Variants in CNTN3 observed in about 807,000 individuals in gnomAD.
CNTN3 encodes contactin-3.
Under a neutral mutation model 119.1 loss-of-function variants are expected in CNTN3, and 60 were observed. The observed-to-expected ratio is 0.50, with a 90% CI of 0.41 to 0.62. The LOEUF (loss-of-function observed/expected upper bound fraction) is 0.62, where lower values mean the gene tolerates loss of function less well. CNTN3 is among the 20% of genes least tolerant of loss of function. The pLI is 0.00. For synonymous variants in CNTN3, 450 were observed against 438.7 expected (o/e 1.03, Z -0.32); for missense variants, 1,101 against 1,242.4 (o/e 0.89, Z 1.71).
chr3:74,461,604 G>T (rs72900350), intron 4 of CNTN3, among the ~76,000 whole-genome samples: 1 of 151,976 alleles, frequency 6.6e-6, no homozygotes, highest in Admixed American at 6.6e-5. Flanking sequence ...TCATGCATTT[G>T]TTTCCCAAAC....
At chr3:74,432,462 G>A (rs987687044) in intron 4 of CNTN3, among the ~76,000 whole-genome samples, 10 of 151,468 alleles carry the variant, frequency 6.6e-5, no homozygotes, top group East Asian at 1.9e-4. Context: ...GGCTGCATTC[G>A]AAGCCACCAT....
chr3:74,266,004 T>A (rs1701654495), intron 22 of CNTN3, among the ~76,000 whole-genome samples: 1 of 152,112 alleles, frequency 6.6e-6, no homozygotes, highest in African/African-American at 2.4e-5. Context: ...ATGAACCTCC[T>A]TGGAAACTAG....
intron 1 of CNTN3, among the ~76,000 whole-genome samples, chr3:74,539,767 A>G (rs1183014083): frequency 6.6e-6 from 1 of 152,152 alleles, no homozygotes; most frequent in Non-Finnish European, 1.5e-5. Flanking sequence ...GTGGGTGGGT[A>G]AAGAACTAGG....
chr3:74,499,921 AGACAT>A, intron 2 of CNTN3, 136 bp from the exon 3 acceptor site: 1 of 766,274 alleles, frequency 1.3e-6, no homozygotes, highest in Non-Finnish European at 1.9e-6. Context: ...AATGCTCTGT[AGACAT>A]TGTTTTGTTA....
At chr3:74,397,267 G>A (rs528379582) in intron 5 of CNTN3, among the ~76,000 whole-genome samples, 85 of 152,266 alleles carry the variant, frequency 5.6e-4, no homozygotes, top group African/African-American at 1.9e-3. Context: ...TAAGTCCATT[G>A]TTGAGACCTA....
chr3:74,482,383 G>T (rs1463068023), intron 4 of CNTN3, among the ~76,000 whole-genome samples: 2 of 151,774 alleles, frequency 1.3e-5, no homozygotes. Context: ...ACTAAGAAGG[G>T]AATTTAAAAT....
At chr3:74,595,779 C>A (rs537907371) in intron 1 of CNTN3, among the ~76,000 whole-genome samples, 2 of 152,106 alleles carry the variant, frequency 1.3e-5, no homozygotes, top group Non-Finnish European at 2.9e-5. Context: ...AAAACTGGCA[C>A]AAGACAGGGA....
chr3:74,559,656 CT>C (rs1704122991), intron 1 of CNTN3, among the ~76,000 whole-genome samples: 1 of 151,760 alleles, frequency 6.6e-6, no homozygotes, highest in East Asian at 1.9e-4. Context: ...TTTAGTACTT[CT>C]GCATTGCTCA....
intron 1 of CNTN3, among the ~76,000 whole-genome samples, chr3:74,533,453 G>A (rs547901285): frequency 6.6e-6 from 1 of 152,102 alleles, no homozygotes; most frequent in Non-Finnish European, 1.5e-5. Flanking sequence ...ATGGGTGGTA[G>A]GTAGATAATA....
chr3:74,410,950 G>A (rs1249868109), intron 5 of CNTN3, among the ~76,000 whole-genome samples: 1 of 152,050 alleles, frequency 6.6e-6, no homozygotes, highest in Non-Finnish European at 1.5e-5. Context: ...GAACAGTCAA[G>A]CTGAATCTGA....
intron 5 of CNTN3, among the ~76,000 whole-genome samples, chr3:74,422,142 G>A (rs1318918813): frequency 2.0e-5 from 3 of 152,144 alleles, no homozygotes; most frequent in Non-Finnish European, 2.9e-5. Flanking sequence ...CACCAACATA[G>A]GCCTGCCCTC....
At chr3:74,361,065 C>T (rs1704062211) in intron 11 of CNTN3, among the ~76,000 whole-genome samples, 1 of 152,084 alleles carries the variant, frequency 6.6e-6, no homozygotes. Context: ...GCCAATTATT[C>T]TGCTTATCAC....
In CNTN3 at chr3:74,572,082, T is replaced by TC; in HGVS notation, c.-81+42308_-81+42309insG. Reference sequence around the variant, plus strand: ...TCAAGTAAGTTAAAAGAAAATACTTTATCATTTTTCACCCATCAAATTAGC... The same window carrying TC: ...TCAAGTAAGTTAAAAGAAAATACTTTCATCATTTTTCACCCATCAAATTAGC... On this transcript the variant is annotated intron_variant, in intron 1 of 22. Transcript: ENST00000263665. Among the ~76,000 whole-genome samples the TC allele has an allele frequency of 5.3e-5, 8 of 151,454 alleles. 1 individual carries two copies. In the South Asian group the frequency reaches 1.7e-3, roughly 32 times the overall value.
At chr3:74,326,709 T>G (rs1703139687) in intron 13 of CNTN3, among the ~76,000 whole-genome samples, 1 of 152,094 alleles carries the variant, frequency 6.6e-6, no homozygotes, top group Admixed American at 6.5e-5. Context: ...ATAAAAAATT[T>G]TAGAGTTGAT....
Position 74,521,171 on chromosome 3 carries a change from C to CTAT in CNTN3, c.-60_-59insATA. The CTAT allele has an allele frequency of 1.1e-6, 1 of 940,892 alleles. No individual in the cohort carries two copies. The allele number at this position is 940,892 out of a possible 1,614,324, so 58.3% of individuals were successfully genotyped here. On this transcript the variant is annotated 5_prime_UTR_variant, in exon 2 of 23. Transcript: ENST00000263665. Reference sequence around the variant, plus strand: ...CAGTCTCTGATGAATAGAATGCTTTCTCTTCAGGTAAATCCTTTAATCTGT... The same window carrying CTAT: ...CAGTCTCTGATGAATAGAATGCTTTCTATTCTTCAGGTAAATCCTTTAATCTGT...
chr3:74,499,587 A>C lies in CNTN3; in HGVS notation c.182+72T>G, dbSNP rs773044174. On this transcript the variant is annotated intron_variant, in intron 3 of 22. Coordinates refer to ENST00000263665, the MANE Select transcript of CNTN3 (RefSeq NM_020872.3). ...CTGATGGCATAAATATATTGAAGCA[A>C]AAAAAAATTCACAATCACCACATAA... 6.2e-4 allele frequency: 911 copies of C among 1,465,708 alleles called. 1 individual carries two copies. Among genetic ancestry groups the C allele is most frequent in the Non-Finnish European group, 8.0e-4 (882 of 1,099,072 alleles). 90.8% of individuals were successfully genotyped at this position (1,465,708 alleles called of 1,614,324 possible).
At chr3:74,358,596 GATTT>G (rs71625970) in intron 11 of CNTN3, among the ~76,000 whole-genome samples, 34 of 137,576 alleles carry the variant, frequency 2.5e-4, no homozygotes, top group Admixed American at 2.3e-3. Flanking sequence ...TTTTTTTTTT[GATTT>G]ATTTATTTAT....
In CNTN3 at chr3:74,289,174, A is replaced by G. The variant is rs535278667; in HGVS notation, c.2518-3683T>C. ...AATTTTTAAATCATTACTGAAACTA[A>G]GAAAAGACATATTTTTATCTTGGTG... On this transcript the variant is annotated intron_variant, in intron 19 of 22. Transcript: ENST00000263665. Among the ~76,000 whole-genome samples the G allele has an allele frequency of 5.3e-5, 8 of 152,336 alleles. No individual in the cohort carries two copies. The East Asian group carries it at 1.5e-3, about 29-fold the overall frequency.
Position 74,334,753 on chromosome 3 carries a change from G to A in CNTN3, c.1650C>T (p.His550=). 3 of 1,613,222 alleles carry A rather than the reference G, an allele frequency of 1.9e-6. No homozygotes were observed. Among genetic ancestry groups the A allele is most frequent in the Non-Finnish European group, 2.5e-6 (3 of 1,179,506 alleles). ...ALADFKKDGS[H]FEKVGGSSSG... The stretch of plus-strand genomic sequence containing the variant: ...AACTTACCCCACCAACTTTCTCAAA[G>A]TGAGATCCATCTTTCTTAAAATCTG... Residue 550 remains histidine (H), a synonymous_variant, in exon 13 of 23, where the codon CAC becomes CAT. Transcript: ENST00000263665.
Sources: gnomAD v4.1 joint callset for allele counts (sites outside exome capture counted in the v4.1 genomes callset) on GRCh38, gnomAD v4.1.1 for gene constraint, MANE v1.5 for transcripts, NCBI Gene and HGNC (gene_info 2026-07-23, HGNC 2026-07-21) for gene names.